Variants in KATNAL1 observed in about 807,000 individuals in gnomAD.
KATNAL1 encodes katanin p60 ATPase-containing subunit A-like 1.
KATNAL1 carries 32 observed loss-of-function variants against 55.2 expected under a neutral mutation model. The observed-to-expected ratio is 0.58, with a 90% CI of 0.44 to 0.78. The LOEUF is 0.78. Ranked by LOEUF, KATNAL1 falls within the 30% of genes least tolerant of loss-of-function variation. KATNAL1 has a pLI of 0.00. For synonymous variants in KATNAL1, 193 were observed against 193.6 expected, an observed-to-expected ratio of 1.00 and a Z score of 0.02; for missense variants, 466 against 600.9, an observed-to-expected ratio of 0.78 and a Z score of 2.35.
rs1039869326 is a variant in KATNAL1 at position 30,206,189 on chromosome 13, G to A, written c.*2351C>T. On this transcript the variant is annotated 3_prime_UTR_variant, in exon 11 of 11. Transcript: ENST00000380615. ...CCAGCTACTCAGGAGGCCGAGGCAG[G>A]AGAATGGCTTGAACCTGGGAGGCAG... The A allele has an allele frequency of 6.6e-6, 1 of 152,204 alleles. No individual in the cohort carries two copies. The highest frequency in any genetic ancestry group is 2.4e-5 in the African/African-American group (1 of 41,368). 9.4% of individuals were successfully genotyped at this position (152,204 alleles called of 1,614,324 possible). A position where few individuals can be genotyped will look rare whatever the true frequency, so the allele number is the denominator to read the frequency against.
chr13:30,248,698 G>A (rs1375389437), intron 4 of KATNAL1, among the ~76,000 whole-genome samples: 1 of 152,204 alleles, frequency 6.6e-6, no homozygotes, highest in Non-Finnish European at 1.5e-5. Context: ...GCCAAGGCAG[G>A]TGGATCACCT....
intron 3 of KATNAL1, among the ~76,000 whole-genome samples, chr13:30,266,333 T>C (rs550850595): frequency 6.6e-6 from 1 of 152,232 alleles, no homozygotes; most frequent in Non-Finnish European, 1.5e-5. Flanking sequence ...TAATGCTTGG[T>C]CCCAATTACA....
intron 2 of KATNAL1, 109 bp downstream of exon 2, chr13:30,283,507 T>C: frequency 2.4e-6 from 2 of 833,134 alleles, no homozygotes; most frequent in East Asian, 2.6e-5. Flanking sequence ...TTGAGATAAA[T>C]AGGCACTATT....
intron 1 of KATNAL1, among the ~76,000 whole-genome samples, chr13:30,286,728 T>A (rs559933369): frequency 2.0e-5 from 3 of 152,164 alleles, no homozygotes; most frequent in African/African-American, 7.2e-5. Flanking sequence ...CACTGACAGC[T>A]TGCATTATGC....
chr13:30,262,596 C>A (rs1247681517), intron 3 of KATNAL1, among the ~76,000 whole-genome samples: 1 of 152,052 alleles, frequency 6.6e-6, no homozygotes, highest in Non-Finnish European at 1.5e-5. Context: ...AACACCTCTA[C>A]GCAAATAAAC....
chr13:30,296,917 A>T (rs1882541039), intron 1 of KATNAL1, among the ~76,000 whole-genome samples: 1 of 152,070 alleles, frequency 6.6e-6, no homozygotes, highest in South Asian at 2.1e-4. Flanking sequence ...CTGGGAGCTG[A>T]ATAGTGACGC....
intron 1 of KATNAL1, among the ~76,000 whole-genome samples, chr13:30,304,247 C>T (rs1383500382): frequency 4.6e-5 from 7 of 151,748 alleles, no homozygotes; most frequent in African/African-American, 1.2e-4. Flanking sequence ...AGGCTCCTCC[C>T]GCAAACACAT....
At chr13:30,230,645 G>A in intron 7 of KATNAL1, 51 bp from the exon 8 acceptor site, 1 of 1,373,672 alleles carries the variant, frequency 7.3e-7, no homozygotes, top group Non-Finnish European at 9.8e-7. Context: ...TAAAACAATT[G>A]GAGTATTTAA....
In KATNAL1 at chr13:30,226,891, C is replaced by T. The variant is rs150693209; in HGVS notation, c.1147+521G>A. Among the ~76,000 whole-genome samples, 43 of 152,256 alleles carry T rather than the reference C, an allele frequency of 2.8e-4. No individual in the cohort carries two copies. In the East Asian group the frequency reaches 8.3e-3, roughly 29 times the overall value. On this transcript the variant is annotated intron_variant, in intron 9 of 10. Coordinates refer to ENST00000380615, the MANE Select transcript of KATNAL1 (RefSeq NM_032116.5). ...AGGAGTTCAAGACCAGCCTAGACAA[C>T]ATGGCAAAACCCTGTCTCTACTAAA...
At chr13:30,276,316 A>C (rs1026398724) in intron 3 of KATNAL1, among the ~76,000 whole-genome samples, 1 of 152,240 alleles carries the variant, frequency 6.6e-6, no homozygotes, top group Non-Finnish European at 1.5e-5. Context: ...AATGTGGCAA[A>C]ACCACCGATG....
At chr13:30,280,259 G>A (rs374233282) in intron 2 of KATNAL1, 36 bp from the exon 3 acceptor site, 2 of 1,488,922 alleles carry the variant, frequency 1.3e-6, no homozygotes, top group South Asian at 1.4e-5. Context: ...GCTAGAAGCT[G>A]TTTAAATACT....
At chr13:30,285,360 G>A (rs1378073361) in intron 1 of KATNAL1, among the ~76,000 whole-genome samples, 6 of 152,026 alleles carry the variant, frequency 3.9e-5, no homozygotes, top group Non-Finnish European at 8.8e-5. Flanking sequence ...TGGTGGTAAC[G>A]GATCAAGGGG....
At chr13:30,245,411 A>T (rs561894439) in intron 4 of KATNAL1, among the ~76,000 whole-genome samples, 1 of 152,212 alleles carries the variant, frequency 6.6e-6, no homozygotes, top group Admixed American at 6.5e-5. Context: ...TCTCAAAATA[A>T]TAAGAGCTAT....
chr13:30,244,554 C>T (rs137992589), intron 4 of KATNAL1, among the ~76,000 whole-genome samples: 6,574 of 152,098 alleles, frequency 0.043, 489 homozygotes, highest in African/African-American at 0.15. Flanking sequence ...AGTGTAAAAG[C>T]GTTCCTATTT....
chr13:30,293,782 A>AT (rs1206837979), intron 1 of KATNAL1, among the ~76,000 whole-genome samples: 2 of 152,030 alleles, frequency 1.3e-5, no homozygotes, highest in Admixed American at 6.6e-5. Flanking sequence ...CGCAGACACC[A>AT]TTTTTTACAA....
intron 3 of KATNAL1, among the ~76,000 whole-genome samples, chr13:30,265,652 T>G (rs1352576154): frequency 6.6e-6 from 1 of 152,030 alleles, no homozygotes; most frequent in Non-Finnish European, 1.5e-5. Flanking sequence ...TCAGCTAGTT[T>G]TTTTTTCTAC....
chr13:30,269,791 C>T (rs1219546191), intron 3 of KATNAL1, among the ~76,000 whole-genome samples: 10 of 147,038 alleles, frequency 6.8e-5, no homozygotes, highest in Admixed American at 1.3e-4. Flanking sequence ...GGAGCCCCTC[C>T]GCCCGGCAGC....
intron 1 of KATNAL1, among the ~76,000 whole-genome samples, chr13:30,293,910 T>C (rs2137558208): frequency 6.6e-6 from 1 of 152,352 alleles, no homozygotes; most frequent in Admixed American, 6.5e-5. Flanking sequence ...TATTCCAAAC[T>C]TCTCCATTTT....
chr13:30,266,560 CAA>C (rs1879801009), intron 3 of KATNAL1, among the ~76,000 whole-genome samples: 2 of 152,058 alleles, frequency 1.3e-5, no homozygotes, highest in Non-Finnish European at 2.9e-5. Flanking sequence ...AAAAAAATCA[CAA>C]GTCTAAATCA....
Sources: gnomAD v4.1 joint callset for allele counts (sites outside exome capture counted in the v4.1 genomes callset) on GRCh38, gnomAD v4.1.1 for gene constraint, MANE v1.5 for transcripts, NCBI Gene and HGNC (gene_info 2026-07-23, HGNC 2026-07-21) for gene names.